The following SULT2B1 variants were observed in gnomAD, a reference collection of about 807,000 sequenced individuals.
The protein encoded by SULT2B1 is sulfotransferase 2B1.
In SULT2B1, 16 loss-of-function variants were observed where a neutral mutation model predicts 33.2. That is an observed-to-expected ratio of 0.48 (90% CI 0.33 to 0.73). The LOEUF is 0.73. SULT2B1 is among the 30% of genes least tolerant of loss of function. The pLI is 0.02. For missense variants in SULT2B1, 500 were observed against 506.0 expected (o/e 0.99, Z 0.11); for synonymous variants, 186 against 200.5 (o/e 0.93, Z 0.61).
intron 1 of SULT2B1, among the ~76,000 whole-genome samples, chr19:48,573,155 C>CA (rs10589655): frequency 0.014 from 1,705 of 122,218 alleles, 31 homozygotes; most frequent in African/African-American, 0.042. Context: ...GACTCCATCT[C>CA]AAAAAAAAAA....
rs116164952 is a variant in SULT2B1, at chr19:48,588,238, C to T, written c.423+801C>T. Among the ~76,000 whole-genome samples, 1,359 of 149,746 alleles carry T rather than the reference C, an allele frequency of 9.1e-3. 23 individuals carry two copies. The highest frequency in any genetic ancestry group is 0.032 in the African/African-American group (1,297 of 40,560). ...AAAAAAAAAAAAAATTACAGCCAGG[C>T]GCAGTGGCTCACGTTTGTACTCCCA... On this transcript the variant is annotated intron_variant, in intron 3 of 6. Transcript: ENST00000201586.
rs991648885 is a variant in SULT2B1 at position 48,598,114 on chromosome 19, G to T, written c.827-1021G>T. On this transcript the variant is annotated intron_variant, in intron 6 of 6. Coordinates refer to ENST00000201586, the MANE Select transcript of SULT2B1 (RefSeq NM_177973.2). ...ATTCACAGGTTCCAAGGATTAGGAC[G>T]TGGATATGGAGGGAGTCTTTATTCA... Among the ~76,000 whole-genome samples the T allele has an allele frequency of 2.0e-5, 3 of 152,140 alleles. No homozygotes were observed. The South Asian group carries it at 6.2e-4, about 32-fold the overall frequency.
chr19:48,557,261 C>T (rs1003580466), intron 1 of SULT2B1, among the ~76,000 whole-genome samples: 5 of 152,040 alleles, frequency 3.3e-5, no homozygotes, highest in African/African-American at 1.2e-4. Flanking sequence ...TATGTGAGAT[C>T]GGGCTCTGTG....
chr19:48,553,276 G>C (rs1973051734), intron 1 of SULT2B1, among the ~76,000 whole-genome samples: 1 of 152,114 alleles, frequency 6.6e-6, no homozygotes, highest in African/African-American at 2.4e-5. Flanking sequence ...ACCAAGACCT[G>C]TTCTCAGCCC....
intron 2 of SULT2B1, among the ~76,000 whole-genome samples, chr19:48,585,658 A>C (rs1483849328): frequency 6.6e-6 from 1 of 151,422 alleles, no homozygotes; most frequent in Non-Finnish European, 1.5e-5. Context: ...AACAAGAGCA[A>C]AACTCCGTCT....
intron 2 of SULT2B1, among the ~76,000 whole-genome samples, chr19:48,580,452 G>C (rs1973471821): frequency 6.6e-6 from 1 of 151,546 alleles, no homozygotes. Context: ...TAGAGACGGG[G>C]TTTCACCATG....
rs61748775 is a variant in SULT2B1 at position 48,599,212 on chromosome 19, C to T, written c.904C>T (p.Arg302Trp). ...CGATCGTGCCTACCGCAAGCAGATG[C>T]GGGGGATGCCGACCTTCCCCTGGGA... ...AFDRAYRKQM[R>W]GMPTFPWDED... Residue 302 changes from arginine (R) to tryptophan (W), a missense_variant, in exon 7 of 7, where the codon CGG (arginine) becomes TGG (tryptophan). Arg to Trp is a moderately radical substitution (Grantham distance 101). Transcript: ENST00000201586. The surrounding 1 kb of genome is among the most constrained non-coding windows in gnomAD (Gnocchi z 4.1). The T allele has an allele frequency of 5.9e-5, 95 of 1,606,128 alleles. 1 individual carries two copies. Among genetic ancestry groups the T allele is most frequent in the African/African-American group, 1.2e-4 (9 of 74,708 alleles).
intron 2 of SULT2B1, among the ~76,000 whole-genome samples, chr19:48,583,829 AAAG>A (rs1468069634): frequency 5.7e-5 from 8 of 141,262 alleles, no homozygotes; most frequent in Non-Finnish European, 1.6e-5. Context: ...CAAACAAACA[AAAG>A]GCCAGGCACA....
intron 1 of SULT2B1, among the ~76,000 whole-genome samples, chr19:48,558,467 G>A (rs3848542): frequency 0.36 from 55,360 of 151,750 alleles, 11,365 homozygotes; most frequent in African/African-American, 0.56. Context: ...GAGAGCTGCG[G>A]TGGCCGCTCC....
At chr19:48,556,224 G>C (rs546061593) in intron 1 of SULT2B1, among the ~76,000 whole-genome samples, 1 of 152,302 alleles carries the variant, frequency 6.6e-6, no homozygotes, top group South Asian at 2.1e-4. Context: ...AATGCAGGCA[G>C]ACACCCACGC....
intron 2 of SULT2B1, among the ~76,000 whole-genome samples, chr19:48,579,156 T>C (rs946850480): frequency 6.6e-6 from 1 of 152,208 alleles, no homozygotes; most frequent in African/African-American, 2.4e-5. Flanking sequence ...TTCATTTTTA[T>C]GGTCCAATAA....
intron 2 of SULT2B1, among the ~76,000 whole-genome samples, chr19:48,577,264 C>T (rs1329158421): frequency 2.7e-5 from 4 of 147,178 alleles, no homozygotes; most frequent in Non-Finnish European, 4.5e-5. Context: ...ACCATCTTGG[C>T]CAGGCTGGTC....
intron 1 of SULT2B1, among the ~76,000 whole-genome samples, chr19:48,565,850 C>G (rs542545290): frequency 6.6e-6 from 1 of 152,126 alleles, no homozygotes; most frequent in South Asian, 2.1e-4. Context: ...CTCCCCAGCT[C>G]AGGCAATCCT....
chr19:48,592,885 T>G, intron 5 of SULT2B1, 69 bp downstream of exon 5: 1 of 1,373,526 alleles, frequency 7.3e-7, no homozygotes, highest in Non-Finnish European at 1.0e-6. Flanking sequence ...CACTCTCCCC[T>G]TCCCGAGGGT....
intron 2 of SULT2B1, among the ~76,000 whole-genome samples, chr19:48,576,400 T>C (rs570445074): frequency 7.6e-6 from 1 of 130,788 alleles, no homozygotes; most frequent in South Asian, 2.7e-4. Context: ...TCTCGCTACA[T>C]TGCCCAGGCT....
At chr19:48,553,592 CGTGGGCCA>C (rs1973055311) in intron 1 of SULT2B1, among the ~76,000 whole-genome samples, 2 of 152,012 alleles carry the variant, frequency 1.3e-5, no homozygotes, top group Admixed American at 1.3e-4. Context: ...GGATTACAGG[CGTGGGCCA>C]CCACGCCTGG....
intron 2 of SULT2B1, among the ~76,000 whole-genome samples, chr19:48,584,858 C>G (rs1401576311): frequency 2.6e-5 from 4 of 152,084 alleles, no homozygotes; most frequent in African/African-American, 2.4e-5. Flanking sequence ...TGAGACCAAC[C>G]TGGCCAACAT....
intron 1 of SULT2B1, 113 bp from the exon 2 acceptor site, chr19:48,575,828 G>T: frequency 6.6e-7 from 1 of 1,516,066 alleles, no homozygotes; most frequent in Non-Finnish European, 8.9e-7. Flanking sequence ...ACAGAAGAGG[G>T]ACTGAGGCTC....
chr19:48,584,952 G>A (rs768113365), intron 2 of SULT2B1, among the ~76,000 whole-genome samples: 27 of 150,868 alleles, frequency 1.8e-4, no homozygotes, highest in Non-Finnish European at 2.8e-4. Flanking sequence ...GGGAGGCTGA[G>A]GCAGGAGAAT....
Sources: gnomAD v4.1 joint callset for allele counts (sites outside exome capture counted in the v4.1 genomes callset) on GRCh38, gnomAD v4.1.1 for gene constraint, Gnocchi (gnomAD v3.1) non-coding constraint, MANE v1.5 for transcripts, NCBI Gene and HGNC (gene_info 2026-07-23, HGNC 2026-07-21) for gene names.